ARHGAP23: variants seen among roughly 807,000 people sequenced by gnomAD.
ARHGAP23 encodes Rho GTPase activating protein 23, also known as rho GTPase-activating protein 23.
ARHGAP23 carries 34 observed loss-of-function variants against 136.3 expected under a neutral mutation model. The ratio of observed to expected loss-of-function variants is 0.25; its 90% CI spans 0.19 to 0.33. ARHGAP23 has a LOEUF of 0.33. Ranked by LOEUF, ARHGAP23 falls within the 10% of genes least tolerant of loss-of-function variation. The pLI is 1.00. For synonymous variants in ARHGAP23, 832 were observed against 920.5 expected (o/e 0.90, Z 1.74); for missense variants, 1,808 against 2,139.0 (o/e 0.85, Z 3.05).
intron 1 of ARHGAP23, among the ~76,000 whole-genome samples, chr17:38,437,182 C>T (rs574337382): frequency 4.4e-4 from 66 of 150,766 alleles, no homozygotes; most frequent in Non-Finnish European, 7.4e-4. Flanking sequence ...TGGGAAGCTT[C>T]GACAGGAGGA....
intron 21 of ARHGAP23, 106 bp from the exon 22 acceptor site, chr17:38,498,308 G>A (rs193301246): frequency 4.5e-5 from 37 of 831,332 alleles, no homozygotes; most frequent in Admixed American, 3.3e-4. Context: ...CAGTGAGCCC[G>A]GTCTGATGGA....
In ARHGAP23 at chr17:38,466,399, A is replaced by C. The variant is rs1339413881; in HGVS notation, c.716A>C (p.His239Pro). Residue 239 changes from histidine (H) to proline (P), a missense_variant, in exon 7 of 24, where the codon CAC becomes CCC. Transcript: ENST00000622683. ...CGTGTGCCACCTGCTGCCCGTGCCC[A>C]CCTGGACAACTCTTCCTTGGGGATG... is the stretch of plus-strand genomic sequence containing the variant. The part of the protein sequence containing the change: ...GLRVPPAARA[H>P]LDNSSLGMSQ... 6.5e-7 allele frequency: 1 copy of C among 1,532,794 alleles called. No individual in the cohort carries two copies. Among genetic ancestry groups the C allele is most frequent in the East Asian group, 2.5e-5 (1 of 40,692 alleles). The allele number at this position is 1,532,794 out of a possible 1,614,324, so 94.9% of individuals were successfully genotyped here.
At chr17:38,425,035 T>C (rs1487826304), upstream of ARHGAP23, among the ~76,000 whole-genome samples, 1 of 152,132 alleles carries the variant, frequency 6.6e-6, no homozygotes, top group Non-Finnish European at 1.5e-5. Context: ...GGTACCTTTC[T>C]CCTAGAATCA....
intron 7 of ARHGAP23, among the ~76,000 whole-genome samples, chr17:38,468,215 G>C (rs1008611332): frequency 2.0e-5 from 3 of 152,180 alleles, no homozygotes; most frequent in Non-Finnish European, 2.9e-5. Context: ...CAGGCCCAAG[G>C]GTCTCATTAG....
intron 2 of ARHGAP23, among the ~76,000 whole-genome samples, chr17:38,460,169 T>C (rs896700513): frequency 6.6e-6 from 1 of 152,150 alleles, no homozygotes; most frequent in Non-Finnish European, 1.5e-5. Context: ...TGCCATCACC[T>C]ACCAGGTGAT....
chr17:38,446,802 T>C (rs1954556811), intron 1 of ARHGAP23, among the ~76,000 whole-genome samples: 1 of 152,024 alleles, frequency 6.6e-6, no homozygotes, highest in Non-Finnish European at 1.5e-5. Context: ...ATTTTATTTA[T>C]TTATTTTTTA....
chr17:38,510,705 G>C lies in ARHGAP23; in HGVS notation c.4209G>C (p.Trp1403Cys). 1 of 1,437,580 alleles carries C rather than the reference G, an allele frequency of 7.0e-7. No individual in the cohort carries two copies. The highest frequency in any genetic ancestry group is 3.0e-5 in the East Asian group (1 of 32,938). 89.1% of individuals were successfully genotyped at this position (1,437,580 alleles called of 1,614,324 possible). ...AGACCCGGCGGCGCCGGAGCAGCTG[G>C]CGCCGCCACACCGTGGTGGTGCAGA... ...SPETRRRRSS[W>C]RRHTVVVQSP... Residue 1403 changes from tryptophan to cysteine, a missense_variant, in exon 24 of 24, where the codon TGG becomes TGC. Physicochemically the swap from Trp to Cys is radical, Grantham distance 215 (BLOSUM62 -2). This residue lies in a region of ARHGAP23 where 506 missense variants were observed against 455.8 expected (regional missense o/e 1.11). Transcript: ENST00000622683. The surrounding 1 kb of genome is among the most constrained non-coding windows in gnomAD (Gnocchi z 4.6).
chr17:38,483,491 T>C (rs1222965980), intron 16 of ARHGAP23, among the ~76,000 whole-genome samples: 1 of 152,278 alleles, frequency 6.6e-6, no homozygotes, highest in African/African-American at 2.4e-5. Context: ...CTGTCCTTGC[T>C]AGAGCAACCC....
At chr17:38,432,711 C>T (rs111268039) in intron 1 of ARHGAP23, among the ~76,000 whole-genome samples, 76 of 152,054 alleles carry the variant, frequency 5.0e-4, no homozygotes, top group African/African-American at 1.8e-3. Context: ...GGCATGTAGT[C>T]CCAGCTACTC....
At chr17:38,439,491 C>G (rs768852797) in intron 1 of ARHGAP23, among the ~76,000 whole-genome samples, 1 of 152,174 alleles carries the variant, frequency 6.6e-6, no homozygotes, top group Non-Finnish European at 1.5e-5. Context: ...ATTGAGTGTT[C>G]CCATAGCACT....
chr17:38,486,869 C>CT (rs2040172062), intron 17 of ARHGAP23, among the ~76,000 whole-genome samples: 1 of 152,220 alleles, frequency 6.6e-6, no homozygotes, highest in Non-Finnish European at 1.5e-5. Flanking sequence ...TGCTGAACTG[C>CT]TTATTCACAA....
In ARHGAP23 at chr17:38,510,900, C is replaced by G. The variant is rs1342663340; in HGVS notation, c.4404C>G (p.Pro1468=). 4.7e-6 allele frequency: 7 copies of G among 1,490,254 alleles called. No homozygotes were observed. Among genetic ancestry groups the G allele is most frequent in the South Asian group, 1.3e-5 (1 of 79,054 alleles). 92.3% of individuals were successfully genotyped at this position (1,490,254 alleles called of 1,614,324 possible). ...PSSAASQPPA[P]GDTGSLQSQP... Reference sequence around the variant, plus strand: ...CCGCTGCCTCGCAGCCGCCCGCGCCCGGGGACACGGGGTCCCTGCAGAGCC... The same window carrying G: ...CCGCTGCCTCGCAGCCGCCCGCGCCGGGGGACACGGGGTCCCTGCAGAGCC... The change falls in exon 24 of 24, where the codon CCC becomes CCG. Residue 1468 remains proline, a synonymous_variant. Coordinates refer to ENST00000622683, the MANE Select transcript of ARHGAP23 (RefSeq NM_001199417.2). This position sits in a 1 kb window ranked among gnomAD's most constrained non-coding sequence, Gnocchi z 4.6.
chr17:38,466,367 G>A lies in ARHGAP23; in HGVS notation c.684G>A (p.Pro228=), dbSNP rs369360815. ...GGAGTCCTGCTGCCTGGAGTGACCC[G>A]GGGCTCCGTGTGCCACCTGCTGCCC... The part of the protein sequence containing the change: ...DPRSPAAWSD[P]GLRVPPAARA... The change falls in exon 7 of 24, where the codon CCG becomes CCA. Residue 228 remains proline, a synonymous_variant. Coordinates refer to ENST00000622683, the MANE Select transcript of ARHGAP23 (RefSeq NM_001199417.2). 288 of 1,537,930 alleles carry A rather than the reference G, an allele frequency of 1.9e-4. 1 individual carries two copies. The highest frequency in any genetic ancestry group is 9.1e-4 in the Admixed American group (46 of 50,528).
At chr17:38,427,725 G>A (rs1567767837), upstream of ARHGAP23, among the ~76,000 whole-genome samples, 1 of 152,172 alleles carries the variant, frequency 6.6e-6, no homozygotes, top group Non-Finnish European at 1.5e-5. Context: ...CTGGGTGGGG[G>A]TCCGAAGGGC....
At chr17:38,484,017 C>T (rs1381271969) in intron 16 of ARHGAP23, among the ~76,000 whole-genome samples, 1 of 152,118 alleles carries the variant, frequency 6.6e-6, no homozygotes, top group African/African-American at 2.4e-5. Context: ...ATCTGATGGA[C>T]AGTAGGGAGC....
In ARHGAP23 at chr17:38,477,878, C is replaced by G; in HGVS notation, c.2418C>G (p.Asn806Lys). Reference sequence around the variant, plus strand: ...GCTGGATCAGAGCGATCCGGGAGAACAGCAGGGCCGAGGGCGAGGTGAGGG... The same window carrying G: ...GCTGGATCAGAGCGATCCGGGAGAAGAGCAGGGCCGAGGGCGAGGTGAGGG... ...MLGWIRAIRE[N>K]SRAEGEDPGC... The change falls in exon 12 of 24, where the codon AAC (asparagine) becomes AAG (lysine). Residue 806 changes from asparagine (N) to lysine (K), a missense_variant. Coordinates refer to ENST00000622683, the MANE Select transcript of ARHGAP23 (RefSeq NM_001199417.2). This position sits in a 1 kb window ranked among gnomAD's most constrained non-coding sequence, Gnocchi z 6.6. 6.5e-7 allele frequency: 1 copy of G among 1,548,234 alleles called. No individual in the cohort carries two copies. The highest frequency in any genetic ancestry group is 8.7e-7 in the Non-Finnish European group (1 of 1,146,408).
rs376678178 is a variant in ARHGAP23 at position 38,503,159 on chromosome 17, G to A, written c.3447+2531G>A. The stretch of plus-strand genomic sequence containing the variant: ...AGAGGAAGAGCTGGGCCCAGAGCCC[G>A]TGAAGCAGCAGTAGCCTGTGCTCCT... On this transcript the variant is annotated intron_variant, in intron 23 of 23. Transcript: ENST00000622683. 1.5e-4 allele frequency among the ~76,000 whole-genome samples: 23 copies of A among 152,360 alleles called. No individual in the cohort carries two copies. The East Asian group carries it at 3.5e-3, about 23-fold the overall frequency.
chr17:38,457,787 G>A, intron 1 of ARHGAP23: 1 of 482,600 alleles, frequency 2.1e-6, no homozygotes, highest in South Asian at 2.4e-5. Flanking sequence ...CACATAGTAG[G>A]TGCTCAGTGA....
In ARHGAP23 at chr17:38,465,284, G is replaced by A. The variant is rs186486286; in HGVS notation, c.484-883G>A. On this transcript the variant is annotated intron_variant, in intron 6 of 23. Coordinates refer to ENST00000622683, the MANE Select transcript of ARHGAP23 (RefSeq NM_001199417.2). Reference sequence around the variant, plus strand: ...ATGATGTTTGTGCCTGGGACTGGAGGTGTAGTTATTTGTGTGTGTTTCATT... The same window carrying A: ...ATGATGTTTGTGCCTGGGACTGGAGATGTAGTTATTTGTGTGTGTTTCATT... Among the ~76,000 whole-genome samples, 268 of 152,310 alleles carry A rather than the reference G, an allele frequency of 1.8e-3. 1 individual carries two copies. Among genetic ancestry groups the A allele is most frequent in the African/African-American group, 6.0e-3 (251 of 41,548 alleles).
Sources: gnomAD v4.1 joint callset for allele counts (sites outside exome capture counted in the v4.1 genomes callset) on GRCh38, gnomAD v4.1.1 for gene constraint, gnomAD v4.1.1 regional missense constraint, Gnocchi (gnomAD v3.1) non-coding constraint, MANE v1.5 for transcripts, NCBI Gene and HGNC (gene_info 2026-07-23, HGNC 2026-07-21) for gene names.